LMAN2: variants seen among roughly 807,000 people sequenced by gnomAD.
The protein encoded by LMAN2 is lectin, mannose binding 2, also known as vesicular integral-membrane protein VIP36.
LMAN2 carries 22 observed loss-of-function variants against 39.3 expected under a neutral mutation model. The observed-to-expected ratio is 0.56, with a 90% confidence interval of 0.40 to 0.80. The LOEUF is 0.80. Ranked by LOEUF, LMAN2 falls within the 30% of genes least tolerant of loss-of-function variation. LMAN2 has a pLI of 0.00. For synonymous variants in LMAN2, 207 were observed against 207.8 expected (o/e 1.00, Z 0.03); for missense variants, 494 against 505.4 (o/e 0.98, Z 0.22).
Position 177,337,291 on chromosome 5 carries a change from C to A in LMAN2, c.676-41G>T, listed in dbSNP as rs1337802819. 2 of 1,612,298 alleles carry A rather than the reference C, an allele frequency of 1.2e-6. No homozygotes were observed. The highest frequency in any genetic ancestry group is 3.3e-5 in the Admixed American group (2 of 59,972). On this transcript the variant is annotated intron_variant, in intron 5 of 7. Coordinates refer to ENST00000303127, the MANE Select transcript of LMAN2 (RefSeq NM_006816.3). This position sits in a 1 kb window ranked among gnomAD's most constrained non-coding sequence, Gnocchi z 8.2. Reference sequence around the variant, plus strand: ...CGCTAAGCACCTCGCAGGACAGCAGCCTGCCCTCCTGAGCCTCTGTGGGAC... The same window carrying A: ...CGCTAAGCACCTCGCAGGACAGCAGACTGCCCTCCTGAGCCTCTGTGGGAC...
At chr5:177,338,265 G>C (rs1025284516) in intron 3 of LMAN2, among the ~76,000 whole-genome samples, 1 of 152,212 alleles carries the variant, frequency 6.6e-6, no homozygotes, top group Non-Finnish European at 1.5e-5. Context: ...GTAGGGTTGA[G>C]CTGCAGGACC....
At chr5:177,343,584 C>CACACACACACAA (rs71299772) in intron 2 of LMAN2, among the ~76,000 whole-genome samples, 1 of 149,806 alleles carries the variant, frequency 6.7e-6, no homozygotes. Context: ...CACACACACA[C>CACACACACACAA]ACACACACAC....
rs1324757166 is a variant in LMAN2 at position 177,351,226 on chromosome 5, C to T, written c.262G>A (p.Val88Ile). Residue 88 changes from valine (V) to isoleucine (I), a missense_variant, in exon 2 of 8, where the codon GTA becomes ATA. Val to Ile is a conservative substitution (Grantham distance 29). Transcript: ENST00000303127. ...QGSTMLTSQY[V>I]RLTPDERSKE... ...CTGCGCTCGTCAGGGGTCAGACGTA[C>T]GTACTGGCTCGTGAGCATAGTGCTG... 2 of 1,614,194 alleles carry T rather than the reference C, an allele frequency of 1.2e-6. No individual in the cohort carries two copies. Among genetic ancestry groups the T allele is most frequent in the South Asian group, 1.1e-5 (1 of 91,078 alleles).
At chr5:177,348,883 CAAAAA>C (rs11314255) in intron 2 of LMAN2, among the ~76,000 whole-genome samples, 3 of 83,310 alleles carry the variant, frequency 3.6e-5, no homozygotes, top group Non-Finnish European at 7.4e-5. Context: ...GACTCCGTCT[CAAAAA>C]AAAAAAAAAA....
chr5:177,344,023 C>A (rs1411935696), intron 2 of LMAN2, among the ~76,000 whole-genome samples: 1 of 151,188 alleles, frequency 6.6e-6, no homozygotes, highest in Non-Finnish European at 1.5e-5. Context: ...CAGCCCGGGG[C>A]AGCATAGTGA....
chr5:177,350,517 C>T (rs539138813), intron 2 of LMAN2, among the ~76,000 whole-genome samples: 11 of 152,318 alleles, frequency 7.2e-5, no homozygotes, highest in Non-Finnish European at 1.0e-4. Flanking sequence ...CCAGTCCCTC[C>T]ACACTACTGA....
At chr5:177,341,379 T>G (rs1761552418) in intron 2 of LMAN2, among the ~76,000 whole-genome samples, 1 of 151,902 alleles carries the variant, frequency 6.6e-6, no homozygotes, top group Non-Finnish European at 1.5e-5. Flanking sequence ...AAAAAAATAA[T>G]AATCTTAAAG....
intron 7 of LMAN2, among the ~76,000 whole-genome samples, chr5:177,334,046 C>A (rs1453641062): frequency 6.6e-6 from 1 of 152,248 alleles, no homozygotes; most frequent in Non-Finnish European, 1.5e-5. Context: ...TCTCTGCAGA[C>A]TTCTCTTCCG....
At chr5:177,348,705 A>C (rs1433828072) in intron 2 of LMAN2, among the ~76,000 whole-genome samples, 3 of 150,340 alleles carry the variant, frequency 2.0e-5, no homozygotes, top group East Asian at 1.9e-4. Flanking sequence ...AAAAAAAAAA[A>C]AAAAAAAACC....
chr5:177,346,272 A>G, intron 2 of LMAN2: 1 of 263,274 alleles, frequency 3.8e-6, no homozygotes, highest in South Asian at 8.4e-5. Context: ...CCACAAGAAA[A>G]ACTCCTTGTG....
At chr5:177,346,625 G>T (rs1452706144) in intron 2 of LMAN2, among the ~76,000 whole-genome samples, 1 of 151,752 alleles carries the variant, frequency 6.6e-6, no homozygotes, top group African/African-American at 2.4e-5. Flanking sequence ...GAAACTGACA[G>T]AACTACAAAG....
intron 2 of LMAN2, among the ~76,000 whole-genome samples, chr5:177,344,281 CTTTTTTTTTT>C (rs59101629): frequency 1.2e-5 from 1 of 82,288 alleles, no homozygotes; most frequent in South Asian, 3.8e-4. Context: ...CGCTTTGTTA[CTTTTTTTTTT>C]TTTTTTTTTT....
At chr5:177,338,685 G>T in intron 2 of LMAN2, 80 bp from the exon 3 acceptor site, 2 of 1,122,392 alleles carry the variant, frequency 1.8e-6, no homozygotes, top group Non-Finnish European at 2.7e-6. Flanking sequence ...CACGGCCCCT[G>T]CCCCACAGAC....
chr5:177,337,404 C>T lies in LMAN2; in HGVS notation c.634G>A (p.Asp212Asn), dbSNP rs1167516939. Residue 212 changes from aspartate (D) to asparagine (N), a missense_variant, in exon 5 of 8, where the codon GAC becomes AAC. Coordinates refer to ENST00000303127, the MANE Select transcript of LMAN2 (RefSeq NM_006816.3). This position sits in a 1 kb window ranked among gnomAD's most constrained non-coding sequence, Gnocchi z 8.2. ...CTADFRNRDH[D>N]TFLAVRYSRG... ...GAGTAGCGCACAGCCAGGAAGGTGT[C>T]GTGATCGCGGTTGCGGAAGTCAGCC... The T allele has an allele frequency of 7.4e-6, 12 of 1,612,842 alleles. No homozygotes were observed. Among genetic ancestry groups the T allele is most frequent in the Admixed American group, 3.3e-5 (2 of 59,990 alleles).
intron 2 of LMAN2, among the ~76,000 whole-genome samples, chr5:177,347,323 G>A (rs1172688546): frequency 6.6e-6 from 1 of 152,078 alleles, no homozygotes; most frequent in East Asian, 1.9e-4. Flanking sequence ...GCATGTTCAC[G>A]GGGAGGCTGG....
At chr5:177,340,349 T>C (rs1457013217) in intron 2 of LMAN2, among the ~76,000 whole-genome samples, 1 of 152,210 alleles carries the variant, frequency 6.6e-6, no homozygotes, top group African/African-American at 2.4e-5. Flanking sequence ...TCAACTTTTA[T>C]TTTAGATACA....
chr5:177,348,305 T>C (rs1396744466), intron 2 of LMAN2, among the ~76,000 whole-genome samples: 2 of 152,112 alleles, frequency 1.3e-5, no homozygotes, highest in African/African-American at 4.8e-5. Flanking sequence ...AAGAATATGG[T>C]AGGCTAATGA....
At chr5:177,341,546 A>T (rs1420500969) in intron 2 of LMAN2, among the ~76,000 whole-genome samples, 1 of 152,216 alleles carries the variant, frequency 6.6e-6, no homozygotes, top group Non-Finnish European at 1.5e-5. Context: ...TTCTATACTC[A>T]GCAAATGTAT....
intron 2 of LMAN2, among the ~76,000 whole-genome samples, chr5:177,343,307 C>T (rs1286615141): frequency 1.3e-5 from 2 of 152,096 alleles, no homozygotes; most frequent in African/African-American, 4.8e-5. Context: ...AAATTGGAAT[C>T]CTTGTGCATT....
Sources: allele counts gnomAD v4.1 joint callset (sites outside exome capture counted in the v4.1 genomes callset), GRCh38; gene constraint gnomAD v4.1.1; non-coding constraint Gnocchi (gnomAD v3.1); transcripts MANE v1.5; gene names NCBI Gene and HGNC (gene_info 2026-07-23, HGNC 2026-07-21).